The following LRRC4C variants were observed in gnomAD, a reference collection of about 807,000 sequenced individuals.
LRRC4C encodes the protein leucine-rich repeat-containing protein 4C.
In LRRC4C, 5 loss-of-function variants were observed where a neutral mutation model predicts 33.6. The observed-to-expected ratio is 0.15, with a 90% CI of 0.08 to 0.31. The LOEUF (loss-of-function observed/expected upper bound fraction) is 0.31, where lower values mean the gene tolerates loss of function less well. LRRC4C is among the 10% of genes least tolerant of loss of function. The pLI is 1.00. For missense variants in LRRC4C, 560 were observed against 796.7 expected (o/e 0.70, Z 3.58); for synonymous variants, 329 against 302.0 (o/e 1.09, Z -0.93).
intron 2 of LRRC4C, among the ~76,000 whole-genome samples, chr11:40,809,423 T>C (rs539300307): frequency 8.5e-5 from 13 of 152,306 alleles, no homozygotes; most frequent in Non-Finnish European, 1.8e-4. Flanking sequence ...TTATTTGTCA[T>C]ATTTTTGTTC....
chr11:41,455,056 T>C (rs186556101), intron 1 of LRRC4C, among the ~76,000 whole-genome samples: 1 of 152,294 alleles, frequency 6.6e-6, no homozygotes, highest in Non-Finnish European at 1.5e-5. Context: ...GATCTCATTC[T>C]ATTCAACTAC....
intron 2 of LRRC4C, among the ~76,000 whole-genome samples, chr11:40,709,432 T>C (rs1946346985): frequency 6.6e-6 from 1 of 152,176 alleles, no homozygotes; most frequent in Non-Finnish European, 1.5e-5. Flanking sequence ...TCTGCTTGTC[T>C]GTAAAGGATT....
intron 1 of LRRC4C, among the ~76,000 whole-genome samples, chr11:41,324,902 T>A (rs1951062815): frequency 6.6e-6 from 1 of 152,350 alleles, no homozygotes; most frequent in East Asian, 1.9e-4. Context: ...TTGTATCATA[T>A]ATTTAAAATA....
chr11:41,128,266 CA>C (rs10648242), intron 1 of LRRC4C, among the ~76,000 whole-genome samples: 61 of 146,050 alleles, frequency 4.2e-4, no homozygotes, highest in South Asian at 8.6e-4. Context: ...GTCATACCTC[CA>C]AAAAAAAAAA....
intron 3 of LRRC4C, among the ~76,000 whole-genome samples, chr11:40,606,933 A>T (rs1349647244): frequency 6.6e-6 from 1 of 152,234 alleles, no homozygotes; most frequent in Non-Finnish European, 1.5e-5. Context: ...ATAGTCAAAG[A>T]TAATGAGAGA....
intron 3 of LRRC4C, among the ~76,000 whole-genome samples, chr11:40,419,492 C>A (rs1478365456): frequency 1.3e-5 from 2 of 152,008 alleles, no homozygotes; most frequent in Non-Finnish European, 1.5e-5. Context: ...GATAGTGGAA[C>A]AACATATTTA....
At chr11:40,375,334 A>T (rs1228651352) in intron 3 of LRRC4C, among the ~76,000 whole-genome samples, 2 of 152,162 alleles carry the variant, frequency 1.3e-5, no homozygotes, top group African/African-American at 4.8e-5. Flanking sequence ...TATTTTTGAG[A>T]CCTAACCAAG....
intron 1 of LRRC4C, among the ~76,000 whole-genome samples, chr11:41,365,645 G>A (rs1952507078): frequency 1.3e-5 from 2 of 152,016 alleles, no homozygotes; most frequent in South Asian, 2.1e-4. Flanking sequence ...TTTTCATCAG[G>A]TGCCCTGGTG....
At chr11:40,802,252 G>A (rs1344419886) in intron 2 of LRRC4C, among the ~76,000 whole-genome samples, 1 of 152,082 alleles carries the variant, frequency 6.6e-6, no homozygotes, top group Non-Finnish European at 1.5e-5. Flanking sequence ...ATTATCTTAT[G>A]GGGTTGTTTT....
intron 5 of LRRC4C, among the ~76,000 whole-genome samples, chr11:40,164,696 C>A (rs958067464): frequency 6.6e-6 from 1 of 152,034 alleles, no homozygotes; most frequent in African/African-American, 2.4e-5. Context: ...ATACCAGAGG[C>A]AGGGAAGGGG....
At chr11:40,490,040 G>A (rs908639574) in intron 3 of LRRC4C, among the ~76,000 whole-genome samples, 5 of 152,024 alleles carry the variant, frequency 3.3e-5, no homozygotes, top group Admixed American at 1.3e-4. Context: ...TTTTGCAGAA[G>A]GAACTACTCA....
chr11:40,769,727 G>A (rs1949661193), intron 2 of LRRC4C, among the ~76,000 whole-genome samples: 1 of 151,994 alleles, frequency 6.6e-6, no homozygotes, highest in African/African-American at 2.4e-5. Context: ...CATACACTGG[G>A]GAAAGAACAG....
chr11:40,354,332 G>A (rs1379865423), intron 3 of LRRC4C, among the ~76,000 whole-genome samples: 1 of 107,868 alleles, frequency 9.3e-6, no homozygotes, highest in Admixed American at 9.6e-5. Flanking sequence ...GGCAACCACT[G>A]CCAGGCTCCT....
At chr11:40,181,092 A>G (rs1339846815) in intron 5 of LRRC4C, among the ~76,000 whole-genome samples, 1 of 152,158 alleles carries the variant, frequency 6.6e-6, no homozygotes, top group Non-Finnish European at 1.5e-5. Flanking sequence ...AGCCTGCAAA[A>G]CATTCTCTCT....
At chr11:40,587,470 C>T (rs1277675690) in intron 3 of LRRC4C, among the ~76,000 whole-genome samples, 2 of 144,270 alleles carry the variant, frequency 1.4e-5, no homozygotes, top group Admixed American at 7.0e-5. Flanking sequence ...CCTTTATTTC[C>T]TTCTCCTGCC....
In LRRC4C at chr11:41,377,967, C is replaced by T. The variant is rs118073194; in HGVS notation, c.-496+81464G>A. The stretch of plus-strand genomic sequence containing the variant: ...TAATCACTTTCCCTTATATTTAATC[C>T]GGGTTAATATTGAGGCTCCTTTGTT... On this transcript the variant is annotated intron_variant, in intron 1 of 6. Coordinates refer to ENST00000528697, the MANE Select transcript of LRRC4C (RefSeq NM_001258419.2). 1.1e-4 allele frequency among the ~76,000 whole-genome samples: 16 copies of T among 152,178 alleles called. No homozygotes were observed. In the East Asian group the frequency reaches 2.9e-3, roughly 28 times the overall value.
intron 5 of LRRC4C, among the ~76,000 whole-genome samples, chr11:40,190,650 T>C (rs1431582514): frequency 6.6e-6 from 1 of 152,182 alleles, no homozygotes; most frequent in Non-Finnish European, 1.5e-5. Context: ...TGACAATTCC[T>C]GAAGAAATGG....
At chr11:40,291,166 G>A (rs1035456978) in intron 4 of LRRC4C, among the ~76,000 whole-genome samples, 1 of 152,124 alleles carries the variant, frequency 6.6e-6, no homozygotes, top group Non-Finnish European at 1.5e-5. Context: ...AATAGCGAAG[G>A]GGGAAGGGGA....
At chr11:41,057,637 A>T (rs1858728944) in intron 1 of LRRC4C, among the ~76,000 whole-genome samples, 2 of 152,182 alleles carry the variant, frequency 1.3e-5, no homozygotes, top group African/African-American at 4.8e-5. Flanking sequence ...ACTCAGCCAG[A>T]GCTGAGCAGA....
Sources: gnomAD v4.1 joint callset for allele counts (sites outside exome capture counted in the v4.1 genomes callset) on GRCh38, gnomAD v4.1.1 for gene constraint, MANE v1.5 for transcripts, NCBI Gene and HGNC (gene_info 2026-07-23, HGNC 2026-07-21) for gene names.